Variants in ASIC2 observed in about 807,000 individuals in gnomAD.
The protein encoded by ASIC2 is acid sensing ion channel subunit 2.
In ASIC2, 25 loss-of-function variants were observed where a neutral mutation model predicts 57.3. That is an observed-to-expected ratio of 0.44 (90% confidence interval 0.32 to 0.61). The LOEUF (loss-of-function observed/expected upper bound fraction) is 0.61, where lower values mean the gene tolerates loss of function less well. ASIC2 is among the 20% of genes least tolerant of loss of function. The probability of loss-of-function intolerance (pLI) is 0.06; values close to 1 mark genes in which losing one functional copy is unlikely to be tolerated. For synonymous variants in ASIC2, 319 were observed against 307.5 expected (o/e 1.04, Z -0.39); for missense variants, 641 against 738.1 (o/e 0.87, Z 1.52).
chr17:33,514,775 C>A (rs1914518373), intron 1 of ASIC2, among the ~76,000 whole-genome samples: 1 of 152,218 alleles, frequency 6.6e-6, no homozygotes, highest in East Asian at 1.9e-4. Flanking sequence ...CTGTCCTCTA[C>A]CTCATGGGCT....
At chr17:33,484,021 A>G (rs1034707088) in intron 1 of ASIC2, among the ~76,000 whole-genome samples, 2 of 152,182 alleles carry the variant, frequency 1.3e-5, no homozygotes, top group African/African-American at 4.8e-5. Context: ...CCAAGGAATG[A>G]GGGCAACGGG....
chr17:33,870,224 GTTTTTTTTTTT>G (rs869267956), intron 1 of ASIC2, among the ~76,000 whole-genome samples: 6 of 50,116 alleles, frequency 1.2e-4, no homozygotes, highest in African/African-American at 1.6e-4. Context: ...GAGAAATTCT[GTTTTTTTTTTT>G]TTTTTTTTTT....
chr17:33,247,853 T>C (rs529255251), intron 1 of ASIC2, among the ~76,000 whole-genome samples: 4 of 152,298 alleles, frequency 2.6e-5, no homozygotes, highest in African/African-American at 9.6e-5. Flanking sequence ...GTACTTGGAA[T>C]AAATCAGTGG....
chr17:33,761,878 T>C (rs1910793223), intron 1 of ASIC2, among the ~76,000 whole-genome samples: 1 of 147,010 alleles, frequency 6.8e-6, no homozygotes, highest in Non-Finnish European at 1.5e-5. Flanking sequence ...CTTTCCAGAG[T>C]CCTCATTTCA....
intron 1 of ASIC2, among the ~76,000 whole-genome samples, chr17:33,379,295 A>T (rs911622973): frequency 6.6e-6 from 1 of 152,214 alleles, no homozygotes; most frequent in African/African-American, 2.4e-5. Context: ...AAGGGGGCTG[A>T]TAATATCTTA....
chr17:34,082,242 G>A (rs1909912335), intron 1 of ASIC2: 1 of 152,200 alleles, frequency 6.6e-6, no homozygotes, highest in Admixed American at 6.5e-5. Flanking sequence ...ACCTCCTGGA[G>A]ATGAGAACAC....
chr17:33,794,392 T>A (rs147573290), intron 1 of ASIC2: 62 of 152,332 alleles, frequency 4.1e-4, no homozygotes, highest in African/African-American at 1.5e-3. Flanking sequence ...ACATTCTTCA[T>A]CAGTCATTGC....
chr17:33,341,059 G>A (rs1907701071), intron 1 of ASIC2, among the ~76,000 whole-genome samples: 1 of 152,164 alleles, frequency 6.6e-6, no homozygotes, highest in Admixed American at 6.5e-5. Flanking sequence ...GTCCTAAAGA[G>A]CCTTCCAAAA....
intron 1 of ASIC2, among the ~76,000 whole-genome samples, chr17:33,438,939 G>A (rs1404896532): frequency 6.6e-6 from 1 of 150,650 alleles, no homozygotes; most frequent in African/African-American, 2.4e-5. Context: ...ACTTTCTGGT[G>A]CTCAAAAAAT....
chr17:33,960,145 T>G (rs1033065393), intron 1 of ASIC2, among the ~76,000 whole-genome samples: 6 of 152,166 alleles, frequency 3.9e-5, no homozygotes, highest in African/African-American at 1.4e-4. Flanking sequence ...TTAATGTAAT[T>G]ATTAGGGAAG....
intron 1 of ASIC2, among the ~76,000 whole-genome samples, chr17:33,272,316 C>T (rs926742541): frequency 1.3e-5 from 2 of 152,306 alleles, no homozygotes; most frequent in African/African-American, 4.8e-5. Flanking sequence ...GTCTTCTAAA[C>T]TATAAGCCTC....
rs547375727 is a variant in ASIC2 at position 33,917,882 on chromosome 17, G to A, written c.555+238096C>T. ...CACACACACACACACACACACACAC[G>A]TGCATGTGCACACACACACACACAC... On this transcript the variant is annotated intron_variant, in intron 1 of 9. Coordinates refer to the ASIC2 transcript ENST00000359872. Among the ~76,000 whole-genome samples, 77 of 125,384 alleles carry A rather than the reference G, an allele frequency of 6.1e-4. 1 individual carries two copies. The East Asian group carries it at 1.0e-2, about 16-fold the overall frequency. 82.3% of individuals were successfully genotyped at this position (125,384 alleles called of 152,430 possible). A position where few individuals can be genotyped will look rare whatever the true frequency, so the allele number is the denominator to read the frequency against.
chr17:34,022,968 C>T (rs1477078701), intron 1 of ASIC2, among the ~76,000 whole-genome samples: 4 of 152,078 alleles, frequency 2.6e-5, no homozygotes, highest in African/African-American at 9.6e-5. Context: ...GTGTGTGGCA[C>T]CTCCCCTTTC....
At chr17:34,116,327 G>T (rs1911423672) in intron 1 of ASIC2, among the ~76,000 whole-genome samples, 2 of 152,094 alleles carry the variant, frequency 1.3e-5, no homozygotes, top group Non-Finnish European at 2.9e-5. Context: ...CTCCTCAGGT[G>T]GCTATTAAGG....
At chr17:33,561,934 T>A (rs536874765) in intron 1 of ASIC2, among the ~76,000 whole-genome samples, 8 of 152,344 alleles carry the variant, frequency 5.3e-5, no homozygotes, top group African/African-American at 1.9e-4. Flanking sequence ...GATCTTAAGA[T>A]CTTGGATTTG....
intron 1 of ASIC2, among the ~76,000 whole-genome samples, chr17:33,462,201 A>G (rs1350116999): frequency 6.6e-6 from 1 of 152,198 alleles, no homozygotes; most frequent in East Asian, 1.9e-4. Flanking sequence ...GGCAGATACT[A>G]ATTACTCCCT....
At chr17:34,132,975 T>C (rs1912034936) in intron 1 of ASIC2, among the ~76,000 whole-genome samples, 1 of 152,200 alleles carries the variant, frequency 6.6e-6, no homozygotes, top group South Asian at 2.1e-4. Context: ...GCGGCCTGTT[T>C]GGGGTCACCC....
chr17:33,680,569 G>A (rs1174915013), intron 1 of ASIC2: 1 of 152,156 alleles, frequency 6.6e-6, no homozygotes, highest in Admixed American at 6.5e-5. Flanking sequence ...GTTTCCAAAG[G>A]ATTTTCCTTT....
At chr17:33,726,965 A>G (rs1909580917) in intron 1 of ASIC2, among the ~76,000 whole-genome samples, 1 of 152,200 alleles carries the variant, frequency 6.6e-6, no homozygotes, top group Non-Finnish European at 1.5e-5. Flanking sequence ...CTGCCTGCTA[A>G]TTGGAAAATT....
Sources: allele counts gnomAD v4.1 joint callset (sites outside exome capture counted in the v4.1 genomes callset), GRCh38; gene constraint gnomAD v4.1.1; transcripts MANE v1.5; gene names NCBI Gene and HGNC (gene_info 2026-07-23, HGNC 2026-07-21).